Variants in CRB1 observed in about 807,000 individuals in gnomAD.
The protein encoded by CRB1 is protein crumbs homolog 1.
A neutral mutation model predicts 120.0 loss-of-function variants in CRB1; 83 were observed. The ratio of observed to expected loss-of-function variants is 0.69; its 90% CI spans 0.58 to 0.83. CRB1 has a LOEUF of 0.83. Among genes scored for constraint, CRB1 ranks in the 40% least tolerant of loss-of-function variants. CRB1 has a pLI of 0.00. For missense variants in CRB1, 1,699 were observed against 1,687.6 expected (o/e 1.01, Z -0.12); for synonymous variants, 625 against 612.5 (o/e 1.02, Z -0.30).
At chr1:197,371,300 T>C (rs1456991661) in intron 5 of CRB1, among the ~76,000 whole-genome samples, 1 of 152,148 alleles carries the variant, frequency 6.6e-6, no homozygotes, top group African/African-American at 2.4e-5. Flanking sequence ...TTGAATGTGG[T>C]TGGAGAAAAA....
At chr1:197,307,704 GT>G (rs1266237332) in intron 1 of CRB1, among the ~76,000 whole-genome samples, 1 of 152,184 alleles carries the variant, frequency 6.6e-6, no homozygotes, top group East Asian at 1.9e-4. Flanking sequence ...ATTTACAGTT[GT>G]GAATGATGAG....
rs746408436 is a variant in CRB1 at position 197,442,398 on chromosome 1, G to C, written c.4005+106G>C. On this transcript the variant is annotated intron_variant, in intron 11 of 11. Transcript: ENST00000367400. Reference sequence around the variant, plus strand: ...GAATGACGAGCCAGTTGTTGAGTGGGGTGAACAGGAAGATTATTAACATAC... The same window carrying C: ...GAATGACGAGCCAGTTGTTGAGTGGCGTGAACAGGAAGATTATTAACATAC... The C allele has an allele frequency of 3.1e-6, 5 of 1,605,338 alleles. No homozygotes were observed. In the South Asian group the frequency reaches 5.5e-5, roughly 18 times the overall value.
chr1:197,286,084 C>T (rs1655808078), intron 1 of CRB1, among the ~76,000 whole-genome samples: 1 of 151,742 alleles, frequency 6.6e-6, no homozygotes, highest in Admixed American at 6.6e-5. Flanking sequence ...TTAGCCCCTT[C>T]ATGGCTTTTT....
chr1:197,276,165 A>G (rs1171462292), intron 1 of CRB1, among the ~76,000 whole-genome samples: 1 of 151,692 alleles, frequency 6.6e-6, no homozygotes, highest in East Asian at 1.9e-4. Flanking sequence ...TTTAATAATA[A>G]CACTATGGGA....
At chr1:197,447,384 C>T (rs1178629972) in intron 11 of CRB1, 1 of 152,218 alleles carries the variant, frequency 6.6e-6, no homozygotes, top group African/African-American at 2.4e-5. Context: ...TTTTATATAA[C>T]ATAATTATGC....
At chr1:197,366,775 A>G (rs1298720032) in intron 5 of CRB1, among the ~76,000 whole-genome samples, 1 of 152,216 alleles carries the variant, frequency 6.6e-6, no homozygotes, top group African/African-American at 2.4e-5. Flanking sequence ...GCAAGTTACC[A>G]TGGCCCAGAG....
chr1:197,434,582 G>A (rs1328612684), intron 8 of CRB1, 124 bp from the exon 9 acceptor site: 3 of 865,106 alleles, frequency 3.5e-6, no homozygotes, highest in Non-Finnish European at 5.5e-6. Context: ...AGCACAGTAT[G>A]TAACATGTAT....
intron 11 of CRB1, among the ~76,000 whole-genome samples, chr1:197,459,658 TG>T (rs1324027026): frequency 1.1e-4 from 16 of 152,116 alleles, no homozygotes; most frequent in African/African-American, 3.9e-4. Flanking sequence ...GAATGAAATC[TG>T]GGAGGACATA....
At position 197,362,771 on chromosome 1, in the gene CRB1, T is replaced by C. The variant is rs148903537; in HGVS notation, c.1171+5758T>C. On this transcript the variant is annotated intron_variant, in intron 5 of 11. Transcript: ENST00000367400. The stretch of plus-strand genomic sequence containing the variant: ...CCCACTTATGTCATTAAATTTGAAA[T>C]GATTTTCTTGTAAACAGTATATCAA... Among the ~76,000 whole-genome samples the C allele has an allele frequency of 1.8e-4, 28 of 152,302 alleles. No homozygotes were observed. The East Asian group carries it at 5.4e-3, about 29-fold the overall frequency.
intron 11 of CRB1, among the ~76,000 whole-genome samples, chr1:197,451,111 T>A (rs1665951019): frequency 6.6e-6 from 1 of 152,068 alleles, no homozygotes; most frequent in African/African-American, 2.4e-5. Context: ...AGGACTCCCA[T>A]CCCTGGAAAC....
intron 1 of CRB1, among the ~76,000 whole-genome samples, chr1:197,316,577 A>C (rs1657859359): frequency 6.6e-6 from 1 of 152,268 alleles, no homozygotes; most frequent in Non-Finnish European, 1.5e-5. Flanking sequence ...AAGAAAGTGA[A>C]TATTAAGAGA....
At chr1:197,209,085 C>T in the CRB1 span, among the ~76,000 whole-genome samples, 1 of 152,200 alleles carries the variant, frequency 6.6e-6, no homozygotes, top group Non-Finnish European at 1.5e-5. Flanking sequence ...GCCCTGCCAA[C>T]AGCATCAAGT....
chr1:197,452,682 G>T (rs1029425129), intron 11 of CRB1, among the ~76,000 whole-genome samples: 2 of 152,142 alleles, frequency 1.3e-5, no homozygotes, highest in Non-Finnish European at 2.9e-5. Context: ...TAGAACCTGG[G>T]AGTACTTACT....
intron 11 of CRB1, among the ~76,000 whole-genome samples, chr1:197,448,317 G>T (rs377536515): frequency 2.0e-5 from 3 of 152,104 alleles, no homozygotes; most frequent in African/African-American, 7.2e-5. Context: ...GCTGAGTTGC[G>T]TAAATGCCCC....
At chr1:197,325,548 T>G (rs1658445554) in intron 1 of CRB1, among the ~76,000 whole-genome samples, 1 of 152,186 alleles carries the variant, frequency 6.6e-6, no homozygotes, top group Admixed American at 6.5e-5. Flanking sequence ...GAATTAAAAT[T>G]TAAAAAACTG....
At chr1:197,425,627 G>A (rs1375240357) in intron 6 of CRB1, among the ~76,000 whole-genome samples, 1 of 152,036 alleles carries the variant, frequency 6.6e-6, no homozygotes. Flanking sequence ...CATCTTACTT[G>A]ATTTCTCAAT....
At chr1:197,354,319 A>C (rs1416524529) in intron 4 of CRB1, among the ~76,000 whole-genome samples, 2 of 152,242 alleles carry the variant, frequency 1.3e-5, no homozygotes, top group African/African-American at 4.8e-5. Context: ...CAAAACGCTT[A>C]CACAGACAGC....
At chr1:197,434,264 C>G (rs1226999177) in intron 8 of CRB1, among the ~76,000 whole-genome samples, 2 of 152,188 alleles carry the variant, frequency 1.3e-5, no homozygotes, top group South Asian at 4.2e-4. Context: ...GTCACCATAG[C>G]TAGATTTGTG....
intron 3 of CRB1, among the ~76,000 whole-genome samples, chr1:197,345,659 C>T (rs183784778): frequency 1.4e-3 from 217 of 151,820 alleles, no homozygotes; most frequent in Admixed American, 2.6e-3. Flanking sequence ...ATATGCCCAC[C>T]ACCATGCCTG....
Sources: gnomAD v4.1 joint callset for allele counts (sites outside exome capture counted in the v4.1 genomes callset) on GRCh38, gnomAD v4.1.1 for gene constraint, MANE v1.5 for transcripts, NCBI Gene and HGNC (gene_info 2026-07-23, HGNC 2026-07-21) for gene names.